SLC16A12: variants seen among roughly 807,000 people sequenced by gnomAD.
SLC16A12 encodes the protein monocarboxylate transporter 12.
A neutral mutation model predicts 42.4 loss-of-function variants in SLC16A12; 17 were observed. That is an observed-to-expected ratio of 0.40 (90% CI 0.27 to 0.60). SLC16A12 has a LOEUF of 0.60. SLC16A12 is among the 20% of genes least tolerant of loss of function. The probability of loss-of-function intolerance (pLI) is 0.42; values close to 1 mark genes in which losing one functional copy is unlikely to be tolerated. For synonymous variants in SLC16A12, 224 were observed against 229.4 expected, an observed-to-expected ratio of 0.98 and a Z score of 0.21; for missense variants, 544 against 623.0, an observed-to-expected ratio of 0.87 and a Z score of 1.35.
At chr10:89,540,108 G>A (rs567920944), upstream of SLC16A12, among the ~76,000 whole-genome samples, 20 of 117,558 alleles carry the variant, frequency 1.7e-4, no homozygotes, top group African/African-American at 6.5e-4. Flanking sequence ...TTCTTCTTTT[G>A]TTGCTTCTGA....
chr10:89,445,919 G>A, intron 3 of SLC16A12, among the ~76,000 whole-genome samples: 1 of 152,208 alleles, frequency 6.6e-6, no homozygotes, highest in East Asian at 1.9e-4. Context: ...TAAATGACCT[G>A]ATGGAGCTGA....
At chr10:89,437,611 A>G (rs1449510094) in intron 6 of SLC16A12, among the ~76,000 whole-genome samples, 1 of 151,620 alleles carries the variant, frequency 6.6e-6, no homozygotes, top group Non-Finnish European at 1.5e-5. Context: ...GAAAATAGGT[A>G]ATCTTTGCTC....
intron 2 of SLC16A12, among the ~76,000 whole-genome samples, chr10:89,521,287 A>T (rs1589724411): frequency 2.0e-5 from 3 of 152,112 alleles, no homozygotes; most frequent in South Asian, 4.1e-4. Flanking sequence ...TGTTCCTTAC[A>T]CCCCAAAACG....
At position 89,439,021 on chromosome 10, in the gene SLC16A12, C is replaced by T. The variant is rs374466962; in HGVS notation, c.611G>A (p.Arg204Gln). 37 of 1,613,924 alleles carry T rather than the reference C, an allele frequency of 2.3e-5. No individual in the cohort carries two copies. The highest frequency in any genetic ancestry group is 3.3e-5 in the Admixed American group (2 of 59,982). The change falls in exon 6 of 8, where the codon CGG becomes CAG. Residue 204 changes from arginine to glutamine, a missense_variant. By Grantham distance (43) the Arg-to-Gln change is conservative. Transcript: ENST00000371790. ...VQLLIEQFSW[R>Q]GALLILGGFV... Reference sequence around the variant, plus strand: ...GCCCCCAAGAATGAGTAAGGCTCCCCGCCAGGAAAACTGTTCAATAAGGAG... The same window carrying T: ...GCCCCCAAGAATGAGTAAGGCTCCCTGCCAGGAAAACTGTTCAATAAGGAG...
At chr10:89,439,430 AT>A (rs746182657) in intron 5 of SLC16A12, among the ~76,000 whole-genome samples, 4 of 152,246 alleles carry the variant, frequency 2.6e-5, no homozygotes, top group Non-Finnish European at 5.9e-5. Context: ...ACAAAATTAA[AT>A]GAAGAACATA....
At chr10:89,511,965 G>A (rs973267917) in intron 2 of SLC16A12, among the ~76,000 whole-genome samples, 15 of 152,078 alleles carry the variant, frequency 9.9e-5, no homozygotes, top group African/African-American at 2.4e-4. Flanking sequence ...AATGGATTAC[G>A]CAGCCTTATA....
chr10:89,546,899 T>C (rs144999571), intron 2 of SLC16A12, among the ~76,000 whole-genome samples: 1 of 152,288 alleles, frequency 6.6e-6, no homozygotes, highest in East Asian at 1.9e-4. Flanking sequence ...TGGATAAAGC[T>C]GGAAACCATC....
At position 89,486,609 on chromosome 10, in the gene SLC16A12, AAGAAAGAAAGAAAGAAAG is replaced by A. The variant is rs1564585806; in HGVS notation, c.-46-24003_-46-23986del. 1.0e-4 allele frequency among the ~76,000 whole-genome samples: 7 copies of A among 70,056 alleles called. No homozygotes were observed. The East Asian group carries it at 1.4e-3, about 14-fold the overall frequency. 46.0% of individuals were successfully genotyped at this position (70,056 alleles called of 152,430 possible). A position where few individuals can be genotyped will look rare whatever the true frequency, so the allele number is the denominator to read the frequency against. On this transcript the variant is annotated intron_variant, in intron 2 of 7. Transcript: ENST00000371790. ...CTTGTCTCAAAAAAAAAAAAAAAGA[AAGAAAGAAAGAAAGAAAG>A]AAAGAAAGAAAGAAAGAAAGAAAGA... is the stretch of plus-strand genomic sequence containing the variant.
chr10:89,493,845 T>C (rs566038524), intron 2 of SLC16A12, among the ~76,000 whole-genome samples: 3 of 152,150 alleles, frequency 2.0e-5, no homozygotes, highest in South Asian at 2.1e-4. Flanking sequence ...TGAGTGTGTA[T>C]CATTAAGCAG....
Position 89,438,843 on chromosome 10 carries a change from T to A in SLC16A12, c.789A>T (p.Ala263=), listed in dbSNP as rs1467044209. 5 of 1,614,202 alleles carry A rather than the reference T, an allele frequency of 3.1e-6. No individual in the cohort carries two copies. The highest frequency in any genetic ancestry group is 3.4e-6 in the Non-Finnish European group (4 of 1,180,022). ...GCAAACAGCAACAGAGGCAAGTCTG[T>A]GCCCATTCTTTGGTCAAAGATGAAT... The part of the protein sequence containing the change: ...SPYSSLTKEW[A]QTCLCCCLQQ... The change falls in exon 6 of 8, where the codon GCA becomes GCT. Residue 263 remains alanine (A), a synonymous_variant. Coordinates refer to ENST00000371790, the MANE Select transcript of SLC16A12 (RefSeq NM_213606.4).
chr10:89,452,153 C>A (rs1842105135), intron 3 of SLC16A12, among the ~76,000 whole-genome samples: 1 of 152,166 alleles, frequency 6.6e-6, no homozygotes, highest in Non-Finnish European at 1.5e-5. Context: ...GATCAGCCAA[C>A]CCATATTTCC....
chr10:89,476,066 G>A (rs141623447), intron 2 of SLC16A12, among the ~76,000 whole-genome samples: 1 of 152,102 alleles, frequency 6.6e-6, no homozygotes, highest in Non-Finnish European at 1.5e-5. Context: ...GCATAAAGTC[G>A]GTGCTCAATA....
intron 4 of SLC16A12, 55 bp from the exon 5 acceptor site, chr10:89,441,306 A>G (rs1589661781): frequency 6.2e-7 from 1 of 1,609,144 alleles, no homozygotes. Flanking sequence ...GCACTGTGAA[A>G]GGCTGTGATG....
At chr10:89,528,284 CTCAA>C (rs1365577595) in intron 2 of SLC16A12, among the ~76,000 whole-genome samples, 1 of 152,096 alleles carries the variant, frequency 6.6e-6, no homozygotes, top group Non-Finnish European at 1.5e-5. Flanking sequence ...AGGTTGACAA[CTCAA>C]TCAATTTAAA....
intron 2 of SLC16A12, among the ~76,000 whole-genome samples, chr10:89,526,520 G>A (rs777092656): frequency 3.9e-5 from 6 of 152,204 alleles, no homozygotes; most frequent in South Asian, 2.1e-4. Flanking sequence ...ATCCGCAGTC[G>A]TAGCTTGAAA....
chr10:89,555,913 C>T (rs1556610), exon 2 of SLC16A12: 14,305 of 151,174 alleles, frequency 0.095, 726 homozygotes, highest in Non-Finnish European at 0.11. Context: ...GATGCGGTCA[C>T]GGCTTACAGC....
At chr10:89,537,491 T>C (rs1205170566), upstream of SLC16A12, among the ~76,000 whole-genome samples, 1 of 152,218 alleles carries the variant, frequency 6.6e-6, no homozygotes, top group Non-Finnish European at 1.5e-5. Flanking sequence ...AGGTTAGATT[T>C]AAGTGATGAT....
intron 3 of SLC16A12, among the ~76,000 whole-genome samples, chr10:89,452,547 C>T (rs1056618749): frequency 2.0e-5 from 3 of 152,104 alleles, no homozygotes; most frequent in South Asian, 2.1e-4. Flanking sequence ...TATTTTAGTA[C>T]ATTTAACAGC....
chr10:89,525,922 A>C (rs1332673414), intron 2 of SLC16A12, among the ~76,000 whole-genome samples: 3 of 152,240 alleles, frequency 2.0e-5, no homozygotes, highest in African/African-American at 7.2e-5. Flanking sequence ...GATATTTCTT[A>C]ACAAATAATT....
Sources: allele counts gnomAD v4.1 joint callset (sites outside exome capture counted in the v4.1 genomes callset), GRCh38; gene constraint gnomAD v4.1.1; transcripts MANE v1.5; gene names NCBI Gene and HGNC (gene_info 2026-07-23, HGNC 2026-07-21).